Variants in TAP2 observed in about 807,000 individuals in gnomAD.
The protein encoded by TAP2 is transporter 2, ATP binding cassette subfamily B member, also known as antigen peptide transporter 2.
A neutral mutation model predicts 74.7 loss-of-function variants in TAP2; 49 were observed. The ratio of observed to expected loss-of-function variants is 0.66; its 90% CI spans 0.52 to 0.83. The LOEUF is 0.83. Ranked by LOEUF, TAP2 falls within the 40% of genes least tolerant of loss-of-function variation. The pLI, the probability that TAP2 is intolerant of heterozygous loss-of-function variation, is 0.00. For missense variants in TAP2, 739 were observed against 859.0 expected (o/e 0.86, Z 1.75); for synonymous variants, 306 against 368.4 (o/e 0.83, Z 1.94).
At position 32,826,285 on chromosome 6, in the gene TAP2, G is replaced by A; in HGVS notation, c.*2621C>T. 1.0e-6 allele frequency: 1 copy of A among 985,446 alleles called. No homozygotes were observed. Among genetic ancestry groups the A allele is most frequent in the Non-Finnish European group, 1.2e-6 (1 of 829,948 alleles). 61.0% of individuals were successfully genotyped at this position (985,446 alleles called of 1,614,324 possible). ...ACATAGGGCCGGGCAGACAGGCTAT[G>A]GAGGTGTTTTGGCATCCAAGGAAAT... On this transcript the variant is annotated 3_prime_UTR_variant, in exon 12 of 12. Transcript: ENST00000374897.
chr6:32,827,778 T>C lies in TAP2; in HGVS notation c.*1128A>G. On this transcript the variant is annotated 3_prime_UTR_variant, in exon 12 of 12. Coordinates refer to ENST00000374897, the MANE Select transcript of TAP2 (RefSeq NM_001290043.2). ...CTCTGCAGCAGGGCTTGAGAGCACC[T>C]GAAGGAATTTCCAGAAATGCCATCA... 1 of 920,170 alleles carries C rather than the reference T, an allele frequency of 1.1e-6. No homozygotes were observed. The highest frequency in any genetic ancestry group is 1.8e-5 in the African/African-American group (1 of 55,666). 57.0% of individuals were successfully genotyped at this position (920,170 alleles called of 1,614,324 possible).
Position 32,832,852 on chromosome 6 carries a change from G to C in TAP2, c.946-28C>G. ...GGAAAAGAGGGCCAGCAAACACCAG[G>C]GCTGATGTGCAAAGACAGCAGGCCC... On this transcript the variant is annotated intron_variant, in intron 5 of 11. Transcript: ENST00000374897. The surrounding 1 kb of genome is among the most constrained non-coding windows in gnomAD (Gnocchi z 5.9). The C allele has an allele frequency of 6.2e-7, 1 of 1,609,488 alleles. No individual in the cohort carries two copies.
At position 32,828,056 on chromosome 6, in the gene TAP2, G is replaced by A. The variant is rs1768771406; in HGVS notation, c.*850C>T. 1 of 952,932 alleles carries A rather than the reference G, an allele frequency of 1.0e-6. No homozygotes were observed. Among genetic ancestry groups the A allele is most frequent in the African/African-American group, 1.8e-5 (1 of 56,624 alleles). The allele number at this position is 952,932 out of a possible 1,614,324, so 59.0% of individuals were successfully genotyped here. ...ATATAATTGATTGGGTCAGGGTGTG[G>A]ACTCTAGGGTCAGGCCTGTGTTCAA... On this transcript the variant is annotated 3_prime_UTR_variant, in exon 12 of 12. Coordinates refer to ENST00000374897, the MANE Select transcript of TAP2 (RefSeq NM_001290043.2).
chr6:32,828,828 A>G lies in TAP2; in HGVS notation c.*78T>C. The G allele has an allele frequency of 6.7e-7, 1 of 1,500,620 alleles. No individual in the cohort carries two copies. The allele number at this position is 1,500,620 out of a possible 1,614,324, so 93.0% of individuals were successfully genotyped here. ...GCTCTGGGTCCTGGAGACGCCCCTG[A>G]GAAGAGGGCCCAGTATCCCTGGGGC... On this transcript the variant is annotated 3_prime_UTR_variant, in exon 12 of 12. Transcript: ENST00000374897.
At position 32,829,354 on chromosome 6, in the gene TAP2, T is replaced by C. The variant is rs1373913216; in HGVS notation, c.1932+46A>G. On this transcript the variant is annotated intron_variant, in intron 11 of 11. Coordinates refer to ENST00000374897, the MANE Select transcript of TAP2 (RefSeq NM_001290043.2). ...TCTGCACAGTCTGATCCTCCCAGCA[T>C]GCCCCTCCCAGGCCCCACTGTCCCC... 3 of 1,563,370 alleles carry C rather than the reference T, an allele frequency of 1.9e-6. No individual in the cohort carries two copies. In the East Asian group the frequency reaches 7.1e-5, roughly 37 times the overall value.
rs1156423268 is a variant in TAP2, at chr6:32,826,423, G to A, written c.*2483C>T. 1 of 984,950 alleles carries A rather than the reference G, an allele frequency of 1.0e-6. No homozygotes were observed. The highest frequency in any genetic ancestry group is 6.2e-5 in the Admixed American group (1 of 16,248). The allele number at this position is 984,950 out of a possible 1,614,324, so 61.0% of individuals were successfully genotyped here. A position where few individuals can be genotyped will look rare whatever the true frequency, so the allele number is the denominator to read the frequency against. On this transcript the variant is annotated 3_prime_UTR_variant, in exon 12 of 12. Transcript: ENST00000374897. ...AAGCGACAAGAAGGGGAAATTACAG[G>A]GTAAGGAGATCAATCAAATGGTGAT...
rs1427211221 is a variant in TAP2, at chr6:32,828,716, GCA to G, written c.*188_*189del. On this transcript the variant is annotated 3_prime_UTR_variant, in exon 12 of 12. Coordinates refer to ENST00000374897, the MANE Select transcript of TAP2 (RefSeq NM_001290043.2). Reference sequence around the variant, plus strand: ...ACCCCACCTCTCTACCCCACCAAAAGCACACAGTGTCCAAATCTCCATCGTGC... The same window carrying G: ...ACCCCACCTCTCTACCCCACCAAAAGCACAGTGTCCAAATCTCCATCGTGC... The G allele has an allele frequency of 5.6e-6, 3 of 538,040 alleles. No individual in the cohort carries two copies. The highest frequency in any genetic ancestry group is 6.6e-6 in the Non-Finnish European group (3 of 456,632). 33.3% of individuals were successfully genotyped at this position (538,040 alleles called of 1,614,324 possible). A position where few individuals can be genotyped will look rare whatever the true frequency, so the allele number is the denominator to read the frequency against.
chr6:32,821,882 C>T, downstream of TAP2: 1 of 186,240 alleles, frequency 5.4e-6, no homozygotes, highest in South Asian at 1.2e-4. Flanking sequence ...AGAATTTTGC[C>T]AGCTCAAAAT....
At position 32,834,725 on chromosome 6, in the gene TAP2, C is replaced by T. The variant is rs556936897; in HGVS notation, c.945+429G>A. Among the ~76,000 whole-genome samples the T allele has an allele frequency of 3.3e-5, 5 of 152,322 alleles. No individual in the cohort carries two copies. The South Asian group carries it at 1.0e-3, about 32-fold the overall frequency. Reference sequence around the variant, plus strand: ...ATTCAGACTTAGGACTTCCTGATGACGCCTCCTTTCCCTATGCTGCATCCA... The same window carrying T: ...ATTCAGACTTAGGACTTCCTGATGATGCCTCCTTTCCCTATGCTGCATCCA... On this transcript the variant is annotated intron_variant, in intron 5 of 11. Transcript: ENST00000374897.
intron 7 of TAP2, among the ~76,000 whole-genome samples, chr6:32,831,608 G>A (rs1436569860): frequency 6.6e-6 from 1 of 152,168 alleles, no homozygotes; most frequent in African/African-American, 2.4e-5. Flanking sequence ...AAGTACAGAG[G>A]CAGAAGAGCA....
At chr6:32,824,306 T>C (rs1401637377), downstream of TAP2, among the ~76,000 whole-genome samples, 1 of 152,170 alleles carries the variant, frequency 6.6e-6, no homozygotes, top group Non-Finnish European at 1.5e-5. Flanking sequence ...CCTTTGGTTT[T>C]AGACTATATG....
chr6:32,835,208 C>G lies in TAP2; in HGVS notation c.891G>C (p.Leu297=), dbSNP rs1170049611. 5.0e-6 allele frequency: 8 copies of G among 1,612,936 alleles called. No homozygotes were observed. In the South Asian group the frequency reaches 8.8e-5, roughly 18 times the overall value. The part of the protein sequence containing the change: ...SISPRLTLLS[L]LHMPFTIAAE... ...CTGCTATTGTGAAGGGCATGTGCAG[C>G]AGAGAAAGGAGGGTGAGTCGAGGCG... Residue 297 remains leucine (L), a synonymous_variant, in exon 5 of 12, where the codon CTG becomes CTC. Coordinates refer to ENST00000374897, the MANE Select transcript of TAP2 (RefSeq NM_001290043.2). This position sits in a 1 kb window ranked among gnomAD's most constrained non-coding sequence, Gnocchi z 4.0.
In TAP2 at chr6:32,826,747, G is replaced by C; in HGVS notation, c.*2159C>G. The C allele has an allele frequency of 1.0e-6, 1 of 985,350 alleles. No individual in the cohort carries two copies. Among genetic ancestry groups the C allele is most frequent in the Non-Finnish European group, 1.2e-6 (1 of 829,924 alleles). 61.0% of individuals were successfully genotyped at this position (985,350 alleles called of 1,614,324 possible). A position where few individuals can be genotyped will look rare whatever the true frequency, so the allele number is the denominator to read the frequency against. ...TCATGTCAGTTTCTCTGTAAAATTA[G>C]GTTTGACTGTTGCATTATTTTTAAG... On this transcript the variant is annotated 3_prime_UTR_variant, in exon 12 of 12. Coordinates refer to ENST00000374897, the MANE Select transcript of TAP2 (RefSeq NM_001290043.2).
chr6:32,822,321 AG>A, downstream of TAP2: 1 of 1,521,250 alleles, frequency 6.6e-7, no homozygotes, highest in Non-Finnish European at 8.9e-7. Flanking sequence ...AGGGTTTTCT[AG>A]AAAAAAAAAA....
chr6:32,837,893 G>A lies in TAP2; in HGVS notation c.341C>T (p.Ser114Leu). The A allele has an allele frequency of 6.2e-7, 1 of 1,611,740 alleles. No homozygotes were observed. The highest frequency in any genetic ancestry group is 8.5e-7 in the Non-Finnish European group (1 of 1,179,682). The change falls in exon 2 of 12, where the codon TCA becomes TTA. Residue 114 changes from serine to leucine, a missense_variant. Ser to Leu is a moderately radical substitution (Grantham distance 145, BLOSUM62 -2). Coordinates refer to ENST00000374897, the MANE Select transcript of TAP2 (RefSeq NM_001290043.2). ...VGYGAAGLSW[S>L]LWAVLSPPGA... ...AGGAGGGCTCAGAACAGCCCACAGT[G>A]ACCAGCTGAGCCCCGCAGCCCCGTA... is the stretch of plus-strand genomic sequence containing the variant.
chr6:32,834,144 A>G (rs1008199700), intron 5 of TAP2, among the ~76,000 whole-genome samples: 1 of 152,202 alleles, frequency 6.6e-6, no homozygotes, highest in African/African-American at 2.4e-5. Context: ...CTAAGTATAT[A>G]CCCAAAAGAA....
intron 10 of TAP2, 152 bp downstream of exon 10, chr6:32,829,778 A>T: frequency 1.7e-6 from 2 of 1,198,866 alleles, no homozygotes; most frequent in South Asian, 2.5e-5. Context: ...GAGGCTGAAG[A>T]ATTCAGTGTG....
In TAP2 at chr6:32,826,323, C is replaced by G; in HGVS notation, c.*2583G>C. On this transcript the variant is annotated 3_prime_UTR_variant, in exon 12 of 12. Transcript: ENST00000374897. ...CATCCAAGGAAATCTATCAGTTTCC[C>G]AAGCTTTCCCCTCTCCATTCATACT... 1.0e-6 allele frequency: 1 copy of G among 985,420 alleles called. No individual in the cohort carries two copies. Among genetic ancestry groups the G allele is most frequent in the Non-Finnish European group, 1.2e-6 (1 of 829,950 alleles). The allele number at this position is 985,420 out of a possible 1,614,324, so 61.0% of individuals were successfully genotyped here.
Position 32,828,275 on chromosome 6 carries a change from A to G in TAP2, c.*631T>C, listed in dbSNP as rs1040357603. ...ACTCTATAAATGGTAGCTGTTACCA[A>G]TGTCGCTATTAATACTGTTAATCAG... On this transcript the variant is annotated 3_prime_UTR_variant, in exon 12 of 12. Coordinates refer to ENST00000374897, the MANE Select transcript of TAP2 (RefSeq NM_001290043.2). The G allele has an allele frequency of 2.0e-6, 2 of 985,072 alleles. No homozygotes were observed. The highest frequency in any genetic ancestry group is 2.4e-6 in the Non-Finnish European group (2 of 829,716). 61.0% of individuals were successfully genotyped at this position (985,072 alleles called of 1,614,324 possible).
Sources: gnomAD v4.1 joint callset for allele counts (sites outside exome capture counted in the v4.1 genomes callset) on GRCh38, gnomAD v4.1.1 for gene constraint, Gnocchi (gnomAD v3.1) non-coding constraint, MANE v1.5 for transcripts, NCBI Gene and HGNC (gene_info 2026-07-23, HGNC 2026-07-21) for gene names.